The following SH3PXD2A variants were observed in gnomAD, a reference collection of about 807,000 sequenced individuals.
SH3PXD2A encodes SH3 and PX domain-containing protein 2A.
In SH3PXD2A, 32 loss-of-function variants were observed where a neutral mutation model predicts 115.2. That is an observed-to-expected ratio of 0.28 (90% CI 0.21 to 0.37). The LOEUF (loss-of-function observed/expected upper bound fraction) is 0.37, where lower values mean the gene tolerates loss of function less well. Among genes scored for constraint, SH3PXD2A ranks in the 10% least tolerant of loss-of-function variants. SH3PXD2A has a pLI of 1.00. For missense variants in SH3PXD2A, 1,328 were observed against 1,498.7 expected (o/e 0.89, Z 1.88); for synonymous variants, 610 against 629.1 (o/e 0.97, Z 0.45).
rs1759672446 is a variant in SH3PXD2A at position 103,855,364 on chromosome 10, C to A, written c.-98G>T. The A allele has an allele frequency of 4.4e-6, 4 of 915,394 alleles. No homozygotes were observed. The African/African-American group carries it at 7.1e-5, about 16-fold the overall frequency. 56.7% of individuals were successfully genotyped at this position (915,394 alleles called of 1,614,324 possible). On this transcript the variant is annotated 5_prime_UTR_variant, in exon 1 of 15. Coordinates refer to ENST00000369774, the MANE Select transcript of SH3PXD2A (RefSeq NM_001394015.1). ...CAGCTGCCGGGGTCCCGGGGCCGCC[C>A]GCCACCCCGGCCCGGCGCGCCGAAC...
chr10:103,784,698 A>G lies in SH3PXD2A; in HGVS notation c.153+16584T>C, dbSNP rs543037481. Reference sequence around the variant, plus strand: ...GGGGGTGCAGTGAGGAGGCAGGAGGATGGGTCTGCTGGGGTGGAGGAGGAA... The same window carrying G: ...GGGGGTGCAGTGAGGAGGCAGGAGGGTGGGTCTGCTGGGGTGGAGGAGGAA... On this transcript the variant is annotated intron_variant, in intron 2 of 14. Transcript: ENST00000369774. This position sits in a 1 kb window ranked among gnomAD's most constrained non-coding sequence, Gnocchi z 4.4. Among the ~76,000 whole-genome samples the G allele has an allele frequency of 1.7e-4, 26 of 150,342 alleles. 1 individual carries two copies. The South Asian group carries it at 5.6e-3, about 32-fold the overall frequency.
intron 2 of SH3PXD2A, among the ~76,000 whole-genome samples, chr10:103,781,312 C>T (rs1323870301): frequency 6.6e-6 from 1 of 152,176 alleles, no homozygotes; most frequent in Non-Finnish European, 1.5e-5. Flanking sequence ...GTACCCTTCC[C>T]TTTGGCATAA....
intron 1 of SH3PXD2A, among the ~76,000 whole-genome samples, chr10:103,821,246 G>A (rs1384934083): frequency 6.8e-6 from 1 of 147,596 alleles, no homozygotes; most frequent in Non-Finnish European, 1.5e-5. Context: ...GGGTTCAAGC[G>A]ATTCTCCTGC....
chr10:103,596,465 G>T lies in SH3PXD2A; in HGVS notation c.*5351C>A, dbSNP rs1367543378. ...AAAAAATGACACATTGCACTCTCCA[G>T]CCAGAATGATGTGTGTGAATGACAC... On this transcript the variant is annotated 3_prime_UTR_variant, in exon 15 of 15. Transcript: ENST00000369774. The T allele has an allele frequency of 6.6e-6, 1 of 152,504 alleles. No individual in the cohort carries two copies. The highest frequency in any genetic ancestry group is 1.9e-4 in the East Asian group (1 of 5,194). 9.4% of individuals were successfully genotyped at this position (152,504 alleles called of 1,614,324 possible).
intron 6 of SH3PXD2A, among the ~76,000 whole-genome samples, chr10:103,683,688 A>G (rs979167452): frequency 3.9e-5 from 6 of 152,096 alleles, no homozygotes; most frequent in African/African-American, 1.4e-4. Context: ...AAAACCCACA[A>G]CAACAACAAA....
At chr10:103,667,358 C>CTT (rs1357114923) in intron 7 of SH3PXD2A, among the ~76,000 whole-genome samples, 6 of 152,218 alleles carry the variant, frequency 3.9e-5, no homozygotes, top group Non-Finnish European at 8.8e-5. Flanking sequence ...CCTCTAGCCC[C>CTT]TTATAACTGG....
intron 8 of SH3PXD2A, among the ~76,000 whole-genome samples, chr10:103,648,870 C>T (rs2037077215): frequency 1.3e-5 from 2 of 152,246 alleles, no homozygotes; most frequent in South Asian, 2.1e-4. Flanking sequence ...TGCCATAGTA[C>T]AGAAGTGGCT....
Position 103,598,676 on chromosome 10 carries a change from G to GC in SH3PXD2A, c.*3139dup, listed in dbSNP as rs2036171928. ...TCCTCCAGATGGGTCAGAGCCCTAG[G>GC]CCCCCTCCCTCCTCTGCCTGCTGCC... On this transcript the variant is annotated 3_prime_UTR_variant, in exon 15 of 15. Coordinates refer to ENST00000369774, the MANE Select transcript of SH3PXD2A (RefSeq NM_001394015.1). 2 of 152,578 alleles carry GC rather than the reference G, an allele frequency of 1.3e-5. No homozygotes were observed. Among genetic ancestry groups the GC allele is most frequent in the Non-Finnish European group, 2.9e-5 (2 of 68,034 alleles). The allele number at this position is 152,578 out of a possible 1,614,324, so 9.5% of individuals were successfully genotyped here. A position where few individuals can be genotyped will look rare whatever the true frequency, so the allele number is the denominator to read the frequency against.
rs1468366705 is a variant in SH3PXD2A, at chr10:103,713,521, T to C, written c.398+10749A>G. Among the ~76,000 whole-genome samples, 3 of 152,208 alleles carry C rather than the reference T, an allele frequency of 2.0e-5. No individual in the cohort carries two copies. The East Asian group carries it at 5.8e-4, about 29-fold the overall frequency. ...TCACGGAAGATGAAATTTCTTTCAA[T>C]CCTTGAAACACAATCTCAGGGACTC... On this transcript the variant is annotated intron_variant, in intron 5 of 14. Transcript: ENST00000369774.
At chr10:103,679,553 A>T (rs1038775815) in intron 6 of SH3PXD2A, among the ~76,000 whole-genome samples, 1 of 152,156 alleles carries the variant, frequency 6.6e-6, no homozygotes, top group Non-Finnish European at 1.5e-5. Flanking sequence ...GGTGGGGGAG[A>T]GGGGAGTTCC....
At position 103,611,734 on chromosome 10, in the gene SH3PXD2A, T is replaced by C. The variant is rs1307415276; in HGVS notation, c.1259-104A>G. ...ACTAACTCCTGATCCTTCAAGTTCA[T>C]GCTTTAGCTCAGCCTTTATGAAGGA... On this transcript the variant is annotated intron_variant, in intron 12 of 14. Transcript: ENST00000369774. 2.5e-5 allele frequency: 23 copies of C among 913,298 alleles called. No individual in the cohort carries two copies. In the East Asian group the frequency reaches 5.0e-4, roughly 20 times the overall value. 56.6% of individuals were successfully genotyped at this position (913,298 alleles called of 1,614,324 possible). A position where few individuals can be genotyped will look rare whatever the true frequency, so the allele number is the denominator to read the frequency against.
chr10:103,689,922 T>C (rs2037726033), intron 6 of SH3PXD2A, among the ~76,000 whole-genome samples: 1 of 152,190 alleles, frequency 6.6e-6, no homozygotes. Context: ...CTAAGCTCTA[T>C]GCTCAGTAAG....
chr10:103,617,073 C>G (rs756630278), intron 11 of SH3PXD2A, 124 bp downstream of exon 11: 13 of 719,992 alleles, frequency 1.8e-5, no homozygotes, highest in African/African-American at 3.5e-5. Context: ...AGCAGCCCAG[C>G]CCTGTGCCGT....
rs557796511 is a variant in SH3PXD2A at position 103,719,065 on chromosome 10, G to A, written c.398+5205C>T. On this transcript the variant is annotated intron_variant, in intron 5 of 14. Transcript: ENST00000369774. Reference sequence around the variant, plus strand: ...CAGACACTGAATCTGCTGGTGCCTTGGTTTAGGACTTCCCAGCCTCTTTCA... The same window carrying A: ...CAGACACTGAATCTGCTGGTGCCTTAGTTTAGGACTTCCCAGCCTCTTTCA... Among the ~76,000 whole-genome samples the A allele has an allele frequency of 1.4e-4, 22 of 152,280 alleles. 1 individual carries two copies. The South Asian group carries it at 4.6e-3, about 32-fold the overall frequency.
In SH3PXD2A at chr10:103,772,370, C is replaced by A. The variant is rs367554973; in HGVS notation, c.154-5201G>T. On this transcript the variant is annotated intron_variant, in intron 2 of 14. Transcript: ENST00000369774. Reference sequence around the variant, plus strand: ...CCTCTGGGAGGAAGAAGGCTGGGCGCGGGGGCGGTGAGGCAGGAAGGCCCC... The same window carrying A: ...CCTCTGGGAGGAAGAAGGCTGGGCGAGGGGGCGGTGAGGCAGGAAGGCCCC... Among the ~76,000 whole-genome samples, 24 of 152,260 alleles carry A rather than the reference C, an allele frequency of 1.6e-4. No homozygotes were observed. In the East Asian group the frequency reaches 3.7e-3, roughly 23 times the overall value.
intron 2 of SH3PXD2A, among the ~76,000 whole-genome samples, chr10:103,787,254 A>G (rs1020048764): frequency 2.8e-4 from 42 of 152,072 alleles, no homozygotes; most frequent in African/African-American, 8.5e-4. Context: ...TCCAGCCCGC[A>G]CCCTGGTTCT....
In SH3PXD2A at chr10:103,743,096, C is replaced by T. The variant is rs116346572; in HGVS notation, c.230-7288G>A. ...AGGTCCCTGTGCAAAGTGGGCTGGA[C>T]CAGCCAAGGATCCCATGTCCAGCTG... is the stretch of plus-strand genomic sequence containing the variant. On this transcript the variant is annotated intron_variant, in intron 3 of 14. Coordinates refer to ENST00000369774, the MANE Select transcript of SH3PXD2A (RefSeq NM_001394015.1). Among the ~76,000 whole-genome samples, 867 of 152,242 alleles carry T rather than the reference C, an allele frequency of 5.7e-3. 12 individuals are homozygous for T. The highest frequency in any genetic ancestry group is 0.02 in the African/African-American group (815 of 41,528).
At chr10:103,603,929 G>A in intron 14 of SH3PXD2A, 140 bp from the exon 15 acceptor site, 1 of 926,912 alleles carries the variant, frequency 1.1e-6, no homozygotes, top group Non-Finnish European at 1.5e-6. Context: ...TGAGTAAGTG[G>A]CCCAAAACCC....
chr10:103,711,997 G>A (rs1049106164), intron 5 of SH3PXD2A, among the ~76,000 whole-genome samples: 14 of 151,760 alleles, frequency 9.2e-5, no homozygotes, highest in Admixed American at 3.3e-4. Context: ...AGTGAGCCAC[G>A]ATTGTGCCAC....
Sources: allele counts gnomAD v4.1 joint callset (sites outside exome capture counted in the v4.1 genomes callset), GRCh38; gene constraint gnomAD v4.1.1; non-coding constraint Gnocchi (gnomAD v3.1); transcripts MANE v1.5; gene names NCBI Gene and HGNC (gene_info 2026-07-23, HGNC 2026-07-21).